DMD: variants seen among roughly 807,000 people sequenced by gnomAD.
DMD encodes dystrophin, also known as mutant dystrophin.
DMD carries 63 observed loss-of-function variants against 330.1 expected under a neutral mutation model. That is an observed-to-expected ratio of 0.19 (90% CI 0.16 to 0.24). The LOEUF (loss-of-function observed/expected upper bound fraction) is 0.24, where lower values mean the gene tolerates loss of function less well. Among genes scored for constraint, DMD ranks in the 10% least tolerant of loss-of-function variants. DMD has a pLI of 1.00. For missense variants in DMD, 3,344 were observed against 2,684.1 expected (o/e 1.25, Z -5.43); for synonymous variants, 1,223 against 959.8 (o/e 1.27, Z -5.07).
intron 48 of DMD, among the ~76,000 whole-genome samples, chrX:31,853,030 T>C (rs371136155): frequency 2.4e-4 from 27 of 112,260 alleles, no homozygotes; most frequent in South Asian, 1.9e-3. Context: ...ATTACAGGCA[T>C]GCACCACCAA....
At chrX:32,626,870 A>G (rs2058378296) in intron 11 of DMD, among the ~76,000 whole-genome samples, 1 of 105,443 alleles carries the variant, frequency 9.5e-6, no homozygotes, top group Non-Finnish European at 1.9e-5. Context: ...TAAAAAACAG[A>G]AAGTTATTAA....
At chrX:32,843,090 G>A (rs2148971979) in intron 4 of DMD, among the ~76,000 whole-genome samples, 1 of 112,282 alleles carries the variant, frequency 8.9e-6, no homozygotes, top group African/African-American at 3.2e-5. Flanking sequence ...TTACAGGCAT[G>A]AGCACCGCGC....
intron 2 of DMD, among the ~76,000 whole-genome samples, chrX:32,933,874 G>A (rs372838294): frequency 9.0e-5 from 10 of 111,610 alleles, no homozygotes; most frequent in South Asian, 3.8e-4. Flanking sequence ...ACTAGAACAC[G>A]GGGCAGTGAG....
intron 55 of DMD, among the ~76,000 whole-genome samples, chrX:31,509,707 C>T (rs757086347): frequency 1.8e-5 from 2 of 112,042 alleles, no homozygotes; most frequent in South Asian, 7.4e-4. Context: ...TACTTTTCAT[C>T]TTTGCCATAT....
In DMD at chrX:32,767,467, ATACT is replaced by A. The variant is rs778684508; in HGVS notation, c.649+42022_649+42025del. 1.9e-3 allele frequency among the ~76,000 whole-genome samples: 212 copies of A among 111,836 alleles called. 1 individual carries two copies. The highest frequency in any genetic ancestry group is 2.9e-3 in the Non-Finnish European group (152 of 53,034). ...GTAAGTTCTATATGTGCCATTAAAC[ATACT>A]TACTTTTTCTAGACTTATAGTCCCA... is the stretch of plus-strand genomic sequence containing the variant. On this transcript the variant is annotated intron_variant, in intron 7 of 78. Transcript: ENST00000357033.
At chrX:33,242,488 C>T (rs1188288531) in intron 1 of DMD, among the ~76,000 whole-genome samples, 2 of 111,960 alleles carry the variant, frequency 1.8e-5, no homozygotes, top group South Asian at 3.7e-4. Context: ...TTTATCCACT[C>T]GTTGATTGAT....
At chrX:31,440,819 A>C (rs1017976412) in intron 60 of DMD, among the ~76,000 whole-genome samples, 1 of 112,225 alleles carries the variant, frequency 8.9e-6, no homozygotes, top group Admixed American at 9.4e-5. Flanking sequence ...TCCCACAGAA[A>C]ATTTCAAACA....
chrX:32,769,839 T>C (rs1603392413), intron 7 of DMD, among the ~76,000 whole-genome samples: 2 of 109,957 alleles, frequency 1.8e-5, no homozygotes, highest in South Asian at 7.6e-4. Context: ...AACAGGAGGC[T>C]TATAATAAAT....
chrX:31,293,246 T>TGTGTGTGC (rs1491287970), intron 62 of DMD, among the ~76,000 whole-genome samples: 1 of 91,154 alleles, frequency 1.1e-5, no homozygotes, highest in African/African-American at 4.3e-5. Context: ...TGTGTGTGTG[T>TGTGTGTGC]AATCTGGTTT....
chrX:32,281,197 C>T (rs946437277), intron 43 of DMD, among the ~76,000 whole-genome samples: 2 of 111,634 alleles, frequency 1.8e-5, no homozygotes, highest in African/African-American at 6.5e-5. Flanking sequence ...ACTGTGGTTC[C>T]AGAATGGTGG....
At chrX:31,595,050 C>T (rs144432677) in intron 55 of DMD, among the ~76,000 whole-genome samples, 3,502 of 111,086 alleles carry the variant, frequency 0.032, 131 homozygotes, top group African/African-American at 0.1. Context: ...ATTTAATATG[C>T]TTTATAGTAG....
intron 48 of DMD, among the ~76,000 whole-genome samples, chrX:31,843,118 C>A (rs191479177): frequency 6.2e-5 from 7 of 112,054 alleles, no homozygotes; most frequent in African/African-American, 2.3e-4. Flanking sequence ...ATCCAGTCCA[C>A]CATTGATGGT....
chrX:31,480,083 G>T (rs1177698201), intron 57 of DMD, among the ~76,000 whole-genome samples: 1 of 112,046 alleles, frequency 8.9e-6, no homozygotes, highest in Non-Finnish European at 1.9e-5. Flanking sequence ...AGTAATATTT[G>T]CCCTGATCTA....
intron 30 of DMD, among the ~76,000 whole-genome samples, chrX:32,407,088 A>C (rs868488345): frequency 2.7e-4 from 30 of 111,567 alleles, no homozygotes; most frequent in African/African-American, 9.1e-4. Context: ...GACGAAAACA[A>C]CAAAAGCAAT....
intron 29 of DMD, 70 bp downstream of exon 29, chrX:32,438,171 T>C: frequency 9.1e-7 from 1 of 1,099,305 alleles, no homozygotes. Flanking sequence ...GCTCATTTTA[T>C]CTGAGAGGCC....
intron 25 of DMD, among the ~76,000 whole-genome samples, chrX:32,461,313 C>A (rs1030066359): frequency 9.0e-6 from 1 of 111,144 alleles, no homozygotes; most frequent in Non-Finnish European, 1.9e-5. Context: ...TTTACCGCAT[C>A]GTCTTCTTCT....
chrX:31,475,855 A>G (rs1277686335), intron 59 of DMD, among the ~76,000 whole-genome samples: 1 of 111,526 alleles, frequency 9.0e-6, no homozygotes, highest in Non-Finnish European at 1.9e-5. Context: ...CATAGGCTTC[A>G]TGAAGGCAAT....
intron 21 of DMD, among the ~76,000 whole-genome samples, chrX:32,484,478 G>A (rs1460486843): frequency 1.8e-5 from 2 of 112,143 alleles, no homozygotes; most frequent in Non-Finnish European, 3.8e-5. Context: ...TTTGTCCTTT[G>A]CTGAGTTTCA....
At chrX:31,695,997 A>G (rs991545132) in intron 52 of DMD, among the ~76,000 whole-genome samples, 3 of 111,742 alleles carry the variant, frequency 2.7e-5, no homozygotes, top group Non-Finnish European at 3.8e-5. Flanking sequence ...TGATTATTCC[A>G]CAATGTATAT....
Sources: gnomAD v4.1 joint callset for allele counts (sites outside exome capture counted in the v4.1 genomes callset) on GRCh38, gnomAD v4.1.1 for gene constraint, MANE v1.5 for transcripts, NCBI Gene and HGNC (gene_info 2026-07-23, HGNC 2026-07-21) for gene names.